SLC4A10: variants seen among roughly 807,000 people sequenced by gnomAD.
The protein encoded by SLC4A10 is sodium-driven chloride bicarbonate exchanger.
Under a neutral mutation model 137.7 loss-of-function variants are expected in SLC4A10, and 42 were observed. The ratio of observed to expected loss-of-function variants is 0.30; its 90% CI spans 0.24 to 0.39. The LOEUF is 0.39. SLC4A10 is among the 10% of genes least tolerant of loss of function. SLC4A10 has a pLI of 1.00. For synonymous variants in SLC4A10, 474 were observed against 464.1 expected, an observed-to-expected ratio of 1.02 and a Z score of -0.27; for missense variants, 925 against 1,355.0, an observed-to-expected ratio of 0.68 and a Z score of 4.98.
rs114975402 is a variant in SLC4A10 at position 161,976,023 on chromosome 2, T to C, written c.3228-737T>C. 2.6e-3 allele frequency among the ~76,000 whole-genome samples: 402 copies of C among 152,324 alleles called. 4 individuals are homozygous for C. Among genetic ancestry groups the C allele is most frequent in the Middle Eastern group, 0.017 (5 of 294 alleles). On this transcript the variant is annotated intron_variant, in intron 24 of 26. Coordinates refer to ENST00000446997, the MANE Select transcript of SLC4A10 (RefSeq NM_001178015.2). ...CAAAGGAGGGAAGTGATCTGGTTGC[T>C]ATGATGTTAGGGGCAAGCGTTTAAG... is the stretch of plus-strand genomic sequence containing the variant.
In SLC4A10 at chr2:161,648,117, T is replaced by C. The variant is rs186628091; in HGVS notation, c.48+23551T>C. 6.6e-5 allele frequency among the ~76,000 whole-genome samples: 10 copies of C among 152,286 alleles called. No individual in the cohort carries two copies. The East Asian group carries it at 1.5e-3, about 23-fold the overall frequency. ...AAATTTTAAACAAAATCAGGCTCAGTTGGGCTAATTTAACTGTGATGCAAT... is the reference window on the plus strand; with the variant it reads ...AAATTTTAAACAAAATCAGGCTCAGCTGGGCTAATTTAACTGTGATGCAAT... On this transcript the variant is annotated intron_variant, in intron 1 of 26. Coordinates refer to ENST00000446997, the MANE Select transcript of SLC4A10 (RefSeq NM_001178015.2).
At chr2:161,703,887 A>G (rs1189290037) in intron 1 of SLC4A10, among the ~76,000 whole-genome samples, 1 of 151,698 alleles carries the variant, frequency 6.6e-6, no homozygotes, top group Non-Finnish European at 1.5e-5. Flanking sequence ...AACAGGCAGC[A>G]TTGATTATTT....
intron 21 of SLC4A10, among the ~76,000 whole-genome samples, chr2:161,962,740 G>A (rs1696935415): frequency 1.3e-5 from 2 of 152,124 alleles, no homozygotes; most frequent in Admixed American, 1.3e-4. Flanking sequence ...GGAAAGGAAG[G>A]CCATGTCATG....
chr2:161,880,939 T>C (rs1351134124), intron 9 of SLC4A10, among the ~76,000 whole-genome samples: 1 of 152,088 alleles, frequency 6.6e-6, no homozygotes, highest in Non-Finnish European at 1.5e-5. Flanking sequence ...ATACCCTTAC[T>C]GTGAAAACTG....
intron 2 of SLC4A10, among the ~76,000 whole-genome samples, chr2:161,804,060 A>AT (rs1039399105): frequency 2.0e-5 from 3 of 152,258 alleles, no homozygotes; most frequent in East Asian, 3.9e-4. Context: ...AGAGACAGTG[A>AT]TTTTTTAAAA....
chr2:161,804,736 G>GGA (rs2055744430), intron 3 of SLC4A10, 141 bp downstream of exon 3: 11 of 664,346 alleles, frequency 1.7e-5, no homozygotes, highest in Non-Finnish European at 2.5e-5. Flanking sequence ...GAGAGAAGTG[G>GGA]GAGAGATAAA....
At chr2:161,961,815 G>A (rs1022926303) in intron 21 of SLC4A10, among the ~76,000 whole-genome samples, 8 of 152,098 alleles carry the variant, frequency 5.3e-5, no homozygotes, top group East Asian at 1.9e-4. Flanking sequence ...TGAAGAAAAC[G>A]TTATCAAAAG....
intron 15 of SLC4A10, among the ~76,000 whole-genome samples, chr2:161,936,856 T>C (rs1175030720): frequency 6.6e-6 from 1 of 152,140 alleles, no homozygotes; most frequent in Non-Finnish European, 1.5e-5. Context: ...GATTATTATT[T>C]TCCTCCTTTT....
At chr2:161,962,191 C>G (rs769814934) in intron 21 of SLC4A10, among the ~76,000 whole-genome samples, 10 of 152,170 alleles carry the variant, frequency 6.6e-5, no homozygotes, top group Non-Finnish European at 1.3e-4. Flanking sequence ...CTGGGCTTCT[C>G]ACTGTGAAAC....
intron 1 of SLC4A10, among the ~76,000 whole-genome samples, chr2:161,697,879 T>A (rs563302410): frequency 6.6e-6 from 1 of 152,354 alleles, no homozygotes; most frequent in African/African-American, 2.4e-5. Flanking sequence ...TGGCATTAAA[T>A]CTATAAATTA....
intron 1 of SLC4A10, among the ~76,000 whole-genome samples, chr2:161,657,176 T>C (rs1436954168): frequency 1.3e-5 from 2 of 152,030 alleles, no homozygotes; most frequent in African/African-American, 2.4e-5. Context: ...ATATGAATAT[T>C]GAGTAGAAAG....
At chr2:161,936,725 A>C (rs2105704129) in intron 15 of SLC4A10, among the ~76,000 whole-genome samples, 1 of 152,284 alleles carries the variant, frequency 6.6e-6, no homozygotes, top group Non-Finnish European at 1.5e-5. Context: ...ATTTCAAAAC[A>C]CCAACCTTTA....
chr2:161,810,080 A>T (rs987921446), intron 3 of SLC4A10, among the ~76,000 whole-genome samples: 14 of 152,060 alleles, frequency 9.2e-5, no homozygotes, highest in African/African-American at 3.4e-4. Context: ...TTCTCCTTGT[A>T]GAAATCTTTC....
At chr2:161,675,537 C>A (rs886714119) in intron 1 of SLC4A10, among the ~76,000 whole-genome samples, 2 of 152,100 alleles carry the variant, frequency 1.3e-5, no homozygotes, top group Non-Finnish European at 2.9e-5. Context: ...AGTAAAAAAA[C>A]CACATATGCT....
At chr2:161,701,815 G>GCT (rs2043148094) in intron 1 of SLC4A10, among the ~76,000 whole-genome samples, 3 of 151,526 alleles carry the variant, frequency 2.0e-5, no homozygotes, top group African/African-American at 7.3e-5. Context: ...ATATGAATGT[G>GCT]AAATCATCAG....
At chr2:161,894,387 C>G (rs2063230422) in intron 10 of SLC4A10, among the ~76,000 whole-genome samples, 2 of 151,988 alleles carry the variant, frequency 1.3e-5, no homozygotes. Flanking sequence ...ACATAAATAA[C>G]TTTTGCCTAA....
At chr2:161,949,293 C>G in intron 18 of SLC4A10, 32 bp downstream of exon 18, 1 of 1,383,806 alleles carries the variant, frequency 7.2e-7, no homozygotes, top group African/African-American at 1.4e-5. Flanking sequence ...CTTCCCATCT[C>G]TCTCGGTCTA....
At chr2:161,888,020 T>A in intron 10 of SLC4A10, among the ~76,000 whole-genome samples, 1 of 152,216 alleles carries the variant, frequency 6.6e-6, no homozygotes, top group East Asian at 1.9e-4. Context: ...GTTTTCTGCA[T>A]ATGGCTAGCT....
chr2:161,813,089 C>G (rs969396912), intron 3 of SLC4A10, among the ~76,000 whole-genome samples: 2 of 151,768 alleles, frequency 1.3e-5, no homozygotes, highest in Non-Finnish European at 2.9e-5. Flanking sequence ...CCAGTGATTT[C>G]TGGACGTTTT....
Sources: gnomAD v4.1 joint callset for allele counts (sites outside exome capture counted in the v4.1 genomes callset) on GRCh38, gnomAD v4.1.1 for gene constraint, MANE v1.5 for transcripts, NCBI Gene and HGNC (gene_info 2026-07-23, HGNC 2026-07-21) for gene names.